The following METAP2 variants were observed in gnomAD, a reference collection of about 807,000 sequenced individuals.
The protein encoded by METAP2 is methionine aminopeptidase 2.
Under a neutral mutation model 59.4 loss-of-function variants are expected in METAP2, and 25 were observed. The observed-to-expected ratio is 0.42, with a 90% CI of 0.31 to 0.59. The LOEUF (loss-of-function observed/expected upper bound fraction) is 0.59. METAP2 is among the 20% of genes least tolerant of loss of function. METAP2 has a pLI of 0.16. For synonymous variants in METAP2, 214 were observed against 194.1 expected (o/e 1.10, Z -0.85); for missense variants, 366 against 581.2 (o/e 0.63, Z 3.81).
At chr12:95,490,665 A>G (rs1349890881) in intron 4 of METAP2, among the ~76,000 whole-genome samples, 2 of 150,182 alleles carry the variant, frequency 1.3e-5, no homozygotes, top group African/African-American at 2.5e-5. Context: ...TATCCTCCCA[A>G]GTAGCTTTGA....
Position 95,513,648 on chromosome 12 carries a change from T to G in METAP2, c.1185-4T>G, listed in dbSNP as rs1237635671. 1 of 1,612,198 alleles carries G rather than the reference T, an allele frequency of 6.2e-7. No individual in the cohort carries two copies. The highest frequency in any genetic ancestry group is 1.3e-5 in the African/African-American group (1 of 74,816). ...ACAGTTAATTTTGGATTTTCTCCTCTTAGGCTTCCAAGAACAAAACACTTG... is the reference window on the plus strand; with the variant it reads ...ACAGTTAATTTTGGATTTTCTCCTCGTAGGCTTCCAAGAACAAAACACTTG... On this transcript the variant is annotated splice_region_variant and splice_polypyrimidine_tract_variant and intron_variant, in intron 10 of 10. Coordinates refer to ENST00000323666, the MANE Select transcript of METAP2 (RefSeq NM_006838.4).
Position 95,514,284 on chromosome 12 carries a change from G to A in METAP2, c.*380G>A, listed in dbSNP as rs192229483. Reference sequence around the variant, plus strand: ...CAGTTCTGCACCTATACCCTCTGGTGTTGCTTTTTAACCTTCCTGGAATCC... The same window carrying A: ...CAGTTCTGCACCTATACCCTCTGGTATTGCTTTTTAACCTTCCTGGAATCC... On this transcript the variant is annotated 3_prime_UTR_variant, in exon 11 of 11. Transcript: ENST00000323666. 9.4e-5 allele frequency: 16 copies of A among 170,502 alleles called. No homozygotes were observed. The East Asian group carries it at 2.4e-3, about 26-fold the overall frequency. The allele number at this position is 170,502 out of a possible 1,614,324, so 10.6% of individuals were successfully genotyped here. A position where few individuals can be genotyped will look rare whatever the true frequency, so the allele number is the denominator to read the frequency against.
Position 95,513,017 on chromosome 12 carries a change from T to C in METAP2, c.1184+101T>C, listed in dbSNP as rs778867474. On this transcript the variant is annotated intron_variant, in intron 10 of 10. Coordinates refer to ENST00000323666, the MANE Select transcript of METAP2 (RefSeq NM_006838.4). ...GCATACATACAAAATAGTATATTCA[T>C]GAATGTAGAGTTCTGTAGCCCAACA... is the stretch of plus-strand genomic sequence containing the variant. The C allele has an allele frequency of 5.7e-5, 38 of 669,564 alleles. No homozygotes were observed. The African/African-American group carries it at 6.8e-4, about 12-fold the overall frequency. The allele number at this position is 669,564 out of a possible 1,614,324, so 41.5% of individuals were successfully genotyped here.
chr12:95,500,163 T>C (rs184666481), intron 7 of METAP2, among the ~76,000 whole-genome samples: 3 of 152,122 alleles, frequency 2.0e-5, no homozygotes. Context: ...TTTTTTTTTT[T>C]AGTTATTGTT....
rs748195097 is a variant in METAP2 at position 95,494,203 on chromosome 12, A to G, written c.576A>G (p.Thr192=). The change falls in exon 5 of 11, where the codon ACA becomes ACG. Residue 192 remains threonine, a synonymous_variant. Coordinates refer to ENST00000323666, the MANE Select transcript of METAP2 (RefSeq NM_006838.4). ...YVMSWIKPGM[T]MIEICEKLED... ...TGAGCTGGATCAAGCCTGGGATGAC[A>G]ATGATAGAAATCTGGTAAAAGGAAT... 3 of 1,613,012 alleles carry G rather than the reference A, an allele frequency of 1.9e-6. No homozygotes were observed. Among genetic ancestry groups the G allele is most frequent in the Admixed American group, 1.7e-5 (1 of 59,924 alleles).
At chr12:95,492,034 C>T (rs1334529347) in intron 4 of METAP2, among the ~76,000 whole-genome samples, 1 of 152,008 alleles carries the variant, frequency 6.6e-6, no homozygotes, top group Non-Finnish European at 1.5e-5. Flanking sequence ...CCTTGAACTT[C>T]TGGGCTCAAA....
rs1555191428 is a variant in METAP2 at position 95,492,132 on chromosome 12, T to TGTGTGTGTGTGTGTG, written c.429-1924_429-1923insGTGTGTGTGTGTGTG. On this transcript the variant is annotated intron_variant, in intron 4 of 10. Transcript: ENST00000323666. ...CTATCGTGTGTATGTATATGTGTGT[T>TGTGTGTGTGTGTGTG]TGTGTGTGTGTGTGTGTGTGTGTAT... 3.2e-3 allele frequency among the ~76,000 whole-genome samples: 472 copies of TGTGTGTGTGTGTGTG among 149,414 alleles called. 3 individuals carry two copies. Among genetic ancestry groups the TGTGTGTGTGTGTGTG allele is most frequent in the African/African-American group, 0.011 (429 of 40,410 alleles).
At chr12:95,503,469 C>G (rs2076331752) in intron 7 of METAP2, among the ~76,000 whole-genome samples, 1 of 152,072 alleles carries the variant, frequency 6.6e-6, no homozygotes, top group African/African-American at 2.4e-5. Context: ...GGGTGCTCAC[C>G]ATTTAAATCC....
At chr12:95,498,710 C>T (rs1219117237) in intron 7 of METAP2, among the ~76,000 whole-genome samples, 1 of 152,170 alleles carries the variant, frequency 6.6e-6, no homozygotes, top group Non-Finnish European at 1.5e-5. Flanking sequence ...ATGGTTTTGA[C>T]ACCCTTGTCA....
At chr12:95,509,932 G>A (rs2140166297) in intron 8 of METAP2, among the ~76,000 whole-genome samples, 1 of 146,316 alleles carries the variant, frequency 6.8e-6, no homozygotes, top group Middle Eastern at 3.4e-3. Flanking sequence ...TCTGCCTCCC[G>A]GGTTCAAGTG....
chr12:95,485,135 T>G (rs1170356378), intron 3 of METAP2, among the ~76,000 whole-genome samples: 1 of 152,174 alleles, frequency 6.6e-6, no homozygotes, highest in African/African-American at 2.4e-5. Flanking sequence ...CATTATAATT[T>G]TCGAAGGTTA....
At chr12:95,486,250 C>T (rs903928749) in intron 4 of METAP2, among the ~76,000 whole-genome samples, 35 of 151,120 alleles carry the variant, frequency 2.3e-4, no homozygotes, top group African/African-American at 8.3e-4. Context: ...TTTTTCACCT[C>T]TCTTGAAATT....
At chr12:95,490,923 G>A (rs1043733235) in intron 4 of METAP2, among the ~76,000 whole-genome samples, 26 of 152,032 alleles carry the variant, frequency 1.7e-4, no homozygotes, top group African/African-American at 6.0e-4. Flanking sequence ...GTGTTAATGG[G>A]CTTAGATTAG....
intron 7 of METAP2, among the ~76,000 whole-genome samples, chr12:95,502,412 A>G (rs879871487): frequency 3.3e-5 from 5 of 152,196 alleles, no homozygotes; most frequent in Non-Finnish European, 5.9e-5. Context: ...GCTGCCTTCT[A>G]GCCTTCAAAG....
intron 2 of METAP2, among the ~76,000 whole-genome samples, chr12:95,482,723 C>T (rs890579392): frequency 1.1e-4 from 16 of 151,926 alleles, no homozygotes; most frequent in African/African-American, 3.4e-4. Flanking sequence ...ACCTGGGAGG[C>T]GGAGGTTGCA....
intron 4 of METAP2, among the ~76,000 whole-genome samples, chr12:95,486,245 C>T (rs1387335424): frequency 2.6e-5 from 4 of 151,780 alleles, no homozygotes; most frequent in East Asian, 1.9e-4. Context: ...ATTTGTTTTT[C>T]ACCTCTCTTG....
At chr12:95,486,926 A>G (rs1245515400) in intron 4 of METAP2, among the ~76,000 whole-genome samples, 1 of 152,270 alleles carries the variant, frequency 6.6e-6, no homozygotes, top group African/African-American at 2.4e-5. Context: ...CAGAAGTGGC[A>G]TTATGAAGAC....
chr12:95,514,476 C>T lies in METAP2; in HGVS notation c.*572C>T, dbSNP rs552339829. The T allele has an allele frequency of 6.6e-6, 1 of 152,334 alleles. No homozygotes were observed. The highest frequency in any genetic ancestry group is 2.1e-4 in the South Asian group (1 of 4,830). 9.4% of individuals were successfully genotyped at this position (152,334 alleles called of 1,614,324 possible). A position where few individuals can be genotyped will look rare whatever the true frequency, so the allele number is the denominator to read the frequency against. On this transcript the variant is annotated 3_prime_UTR_variant, in exon 11 of 11. Transcript: ENST00000323666. The stretch of plus-strand genomic sequence containing the variant: ...GACTTTTCTGGCATAGTGGCTAAAA[C>T]AAGATCTACACATGCATAAAAAGGG...
chr12:95,509,917 C>T (rs1211907114), intron 8 of METAP2, among the ~76,000 whole-genome samples: 2 of 148,436 alleles, frequency 1.3e-5, no homozygotes, highest in African/African-American at 2.5e-5. Flanking sequence ...CATTTCACTG[C>T]AGTCTCTGCC....
Sources: gnomAD v4.1 joint callset for allele counts (sites outside exome capture counted in the v4.1 genomes callset) on GRCh38, gnomAD v4.1.1 for gene constraint, MANE v1.5 for transcripts, NCBI Gene and HGNC (gene_info 2026-07-23, HGNC 2026-07-21) for gene names.